The following NLGN1 variants were observed in gnomAD, a reference collection of about 807,000 sequenced individuals.
The protein encoded by NLGN1 is neuroligin 1, also known as neuroligin-1.
A neutral mutation model predicts 65.5 loss-of-function variants in NLGN1; 12 were observed. The ratio of observed to expected loss-of-function variants is 0.18; its 90% CI spans 0.12 to 0.30. The LOEUF (loss-of-function observed/expected upper bound fraction) is 0.30. Among genes scored for constraint, NLGN1 ranks in the 10% least tolerant of loss-of-function variants. The pLI, the probability that NLGN1 is intolerant of heterozygous loss-of-function variation, is 1.00. For synonymous variants in NLGN1, 350 were observed against 359.5 expected, an observed-to-expected ratio of 0.97 and a Z score of 0.30; for missense variants, 750 against 1,007.1, an observed-to-expected ratio of 0.74 and a Z score of 3.46.
At chr3:173,963,986 A>C (rs946750716) in intron 4 of NLGN1, among the ~76,000 whole-genome samples, 1 of 152,136 alleles carries the variant, frequency 6.6e-6, no homozygotes, top group African/African-American at 2.4e-5. Flanking sequence ...ACTACAACAC[A>C]TTTATCTCTG....
At chr3:173,968,685 A>ATTTTTT (rs1560744579) in intron 4 of NLGN1, among the ~76,000 whole-genome samples, 1 of 136,008 alleles carries the variant, frequency 7.4e-6, no homozygotes, top group African/African-American at 2.9e-5. Flanking sequence ...ACTGAAAATA[A>ATTTTTT]TCTTTTTTTT....
intron 4 of NLGN1, among the ~76,000 whole-genome samples, chr3:174,055,462 G>GACTT (rs1486295272): frequency 2.6e-5 from 4 of 152,050 alleles, no homozygotes; most frequent in Non-Finnish European, 5.9e-5. Context: ...AAGCAATGAT[G>GACTT]ACTTGTCTTA....
rs1726029447 is a variant in NLGN1, at chr3:174,159,157, G to A, written c.647-116158G>A. 1.3e-5 allele frequency among the ~76,000 whole-genome samples: 2 copies of A among 151,586 alleles called. 1 individual carries two copies. The highest frequency in any genetic ancestry group is 1.3e-4 in the Admixed American group (2 of 15,146). ...TAAAATACATTCACCAGCTCCCTAG[G>A]AAATGGCTACTACCATAGAAGCAAG... On this transcript the variant is annotated intron_variant, in intron 4 of 6. Transcript: ENST00000457714.
intron 4 of NLGN1, among the ~76,000 whole-genome samples, chr3:173,951,181 C>T (rs1748133670): frequency 6.6e-6 from 1 of 151,896 alleles, no homozygotes; most frequent in East Asian, 2.0e-4. Context: ...ATTAATTATA[C>T]AAATAGAGTT....
intron 4 of NLGN1, among the ~76,000 whole-genome samples, chr3:173,936,421 T>G (rs1317857958): frequency 6.6e-6 from 1 of 152,030 alleles, no homozygotes; most frequent in Non-Finnish European, 1.5e-5. Context: ...CTACAAGAAG[T>G]ATTTCTCTCA....
At chr3:173,638,312 G>A (rs750690975) in intron 3 of NLGN1, among the ~76,000 whole-genome samples, 2 of 150,294 alleles carry the variant, frequency 1.3e-5, no homozygotes, top group African/African-American at 4.9e-5. Context: ...GAGTTTGATG[G>A]TTCAGTCAAC....
intron 4 of NLGN1, among the ~76,000 whole-genome samples, chr3:173,982,037 G>A (rs927686429): frequency 6.6e-6 from 1 of 151,950 alleles, no homozygotes; most frequent in Non-Finnish European, 1.5e-5. Context: ...AACATTTGAG[G>A]AATAGAAAAC....
chr3:173,778,916 A>G (rs1052093591), intron 3 of NLGN1, among the ~76,000 whole-genome samples: 2 of 151,614 alleles, frequency 1.3e-5, no homozygotes, highest in Non-Finnish European at 3.0e-5. Flanking sequence ...AATTTTTCTT[A>G]CAGAGCAAAT....
intron 2 of NLGN1, among the ~76,000 whole-genome samples, chr3:173,551,355 G>A (rs1376693883): frequency 6.6e-6 from 1 of 152,168 alleles, no homozygotes; most frequent in Non-Finnish European, 1.5e-5. Flanking sequence ...CTGTATTATG[G>A]ATTCTGCTAA....
At chr3:173,969,282 A>C (rs2152368286) in intron 4 of NLGN1, among the ~76,000 whole-genome samples, 1 of 152,278 alleles carries the variant, frequency 6.6e-6, no homozygotes, top group Admixed American at 6.5e-5. Flanking sequence ...TATTTGATAA[A>C]GGAGTGAATG....
At chr3:173,707,818 A>G (rs914032032) in intron 3 of NLGN1, among the ~76,000 whole-genome samples, 21 of 152,332 alleles carry the variant, frequency 1.4e-4, no homozygotes, top group East Asian at 9.6e-4. Context: ...ATTAATCCCA[A>G]TGGACTGTGA....
chr3:173,751,768 T>A (rs938333036), intron 3 of NLGN1, among the ~76,000 whole-genome samples: 1 of 152,122 alleles, frequency 6.6e-6, no homozygotes, highest in Non-Finnish European at 1.5e-5. Flanking sequence ...TAATAGCTAC[T>A]AAGCACTACT....
chr3:173,899,807 A>G (rs1579069935), intron 4 of NLGN1, among the ~76,000 whole-genome samples: 1 of 152,078 alleles, frequency 6.6e-6, no homozygotes, highest in South Asian at 2.1e-4. Context: ...TTGCTTGCCC[A>G]TGGACTGAAT....
At chr3:173,514,625 A>G (rs1343345638) in intron 2 of NLGN1, among the ~76,000 whole-genome samples, 1 of 152,188 alleles carries the variant, frequency 6.6e-6, no homozygotes, top group Non-Finnish European at 1.5e-5. Flanking sequence ...CATCTTGGAA[A>G]GCTGAAATTT....
At chr3:173,872,788 A>G (rs1303321690) in intron 4 of NLGN1, among the ~76,000 whole-genome samples, 4 of 152,174 alleles carry the variant, frequency 2.6e-5, no homozygotes, top group African/African-American at 9.7e-5. Context: ...AAAGCTTTTA[A>G]TCTACTAAGT....
chr3:173,683,491 A>G (rs888458108), intron 3 of NLGN1, among the ~76,000 whole-genome samples: 3 of 152,174 alleles, frequency 2.0e-5, no homozygotes, highest in African/African-American at 7.2e-5. Context: ...AACAACAACT[A>G]TTGCTGAGAT....
At chr3:173,496,358 C>A (rs1730028677) in intron 2 of NLGN1, among the ~76,000 whole-genome samples, 1 of 151,734 alleles carries the variant, frequency 6.6e-6, no homozygotes, top group Admixed American at 6.6e-5. Context: ...TAAATATTTC[C>A]TCATCTAATA....
At chr3:173,820,071 CG>C (rs774199346) in intron 4 of NLGN1, among the ~76,000 whole-genome samples, 5 of 150,984 alleles carry the variant, frequency 3.3e-5, no homozygotes, top group Non-Finnish European at 7.4e-5. Flanking sequence ...CCCAGCTACT[CG>C]GTAGGCTGAG....
intron 4 of NLGN1, among the ~76,000 whole-genome samples, chr3:174,175,399 C>G (rs1240762258): frequency 6.6e-6 from 1 of 151,710 alleles, no homozygotes; most frequent in Non-Finnish European, 1.5e-5. Flanking sequence ...ATTTTTGTCT[C>G]TTCTTATAGT....
Sources: allele counts gnomAD v4.1 joint callset (sites outside exome capture counted in the v4.1 genomes callset), GRCh38; gene constraint gnomAD v4.1.1; transcripts MANE v1.5; gene names NCBI Gene and HGNC (gene_info 2026-07-23, HGNC 2026-07-21).